Variants in MYOZ2 observed in about 807,000 individuals in gnomAD.
The protein encoded by MYOZ2 is myozenin-2.
A neutral mutation model predicts 25.4 loss-of-function variants in MYOZ2; 19 were observed. That is an observed-to-expected ratio of 0.75 (90% CI 0.52 to 1.10). MYOZ2 has a LOEUF of 1.10. Ranked by LOEUF, MYOZ2 falls within the 50% of genes least tolerant of loss-of-function variation. The pLI is 0.00. For missense variants in MYOZ2, 270 were observed against 317.9 expected, an observed-to-expected ratio of 0.85 and a Z score of 1.15; for synonymous variants, 92 against 106.9, an observed-to-expected ratio of 0.86 and a Z score of 0.86.
intron 5 of MYOZ2, among the ~76,000 whole-genome samples, chr4:119,176,818 C>A (rs555586493): frequency 2.0e-5 from 3 of 152,162 alleles, no homozygotes; most frequent in Non-Finnish European, 4.4e-5. Context: ...ATGTATCAGG[C>A]ACGGTTTTAA....
At chr4:119,142,519 G>C (rs1255530053) in intron 2 of MYOZ2, among the ~76,000 whole-genome samples, 1 of 152,178 alleles carries the variant, frequency 6.6e-6, no homozygotes, top group Non-Finnish European at 1.5e-5. Context: ...ATTCCCTGTA[G>C]AACTCAGCAA....
intron 3 of MYOZ2, among the ~76,000 whole-genome samples, chr4:119,152,195 T>TGAG (rs772736734): frequency 0.23 from 34,240 of 152,050 alleles, 4,591 homozygotes; most frequent in South Asian, 0.36. Flanking sequence ...ACTATAGTAT[T>TGAG]TATACTTGTG....
intron 5 of MYOZ2, among the ~76,000 whole-genome samples, chr4:119,175,236 AAAAC>A (rs1323058052): frequency 1.3e-5 from 2 of 152,194 alleles, no homozygotes; most frequent in African/African-American, 2.4e-5. Flanking sequence ...CGGTAGGAAA[AAAAC>A]AAAATAGAGC....
chr4:119,174,086 T>C (rs1397997483), intron 5 of MYOZ2, among the ~76,000 whole-genome samples: 2 of 152,112 alleles, frequency 1.3e-5, no homozygotes, highest in Non-Finnish European at 2.9e-5. Context: ...CATGGGCTCG[T>C]GGGCCGCCTG....
At chr4:119,161,898 C>T (rs1741717591) in intron 4 of MYOZ2, among the ~76,000 whole-genome samples, 1 of 151,956 alleles carries the variant, frequency 6.6e-6, no homozygotes, top group African/African-American at 2.4e-5. Flanking sequence ...AAACTAAATA[C>T]TTGTGTTAGG....
At chr4:119,175,143 C>A (rs543574841) in intron 5 of MYOZ2, among the ~76,000 whole-genome samples, 1 of 151,364 alleles carries the variant, frequency 6.6e-6, no homozygotes, top group African/African-American at 2.4e-5. Context: ...CCCACCAATT[C>A]CCGACACAGT....
chr4:119,187,490 A>G lies in MYOZ2; in HGVS notation c.*1290A>G, dbSNP rs963074868. ...TGTGTTTGTAGTGTGGAAGTTGGTG[A>G]CTGTTTTAATCATCATCTAGACTTG... On this transcript the variant is annotated 3_prime_UTR_variant, in exon 6 of 6. Transcript: ENST00000307128. 1 of 152,150 alleles carries G rather than the reference A, an allele frequency of 6.6e-6. No homozygotes were observed. Among genetic ancestry groups the G allele is most frequent in the African/African-American group, 2.4e-5 (1 of 41,446 alleles). 9.4% of individuals were successfully genotyped at this position (152,150 alleles called of 1,614,324 possible). A position where few individuals can be genotyped will look rare whatever the true frequency, so the allele number is the denominator to read the frequency against.
chr4:119,152,345 T>C (rs1330186784), intron 3 of MYOZ2, among the ~76,000 whole-genome samples: 1 of 152,126 alleles, frequency 6.6e-6, no homozygotes, highest in Non-Finnish European at 1.5e-5. Flanking sequence ...CTTTCAATAA[T>C]GACAATAGAG....
intron 5 of MYOZ2, among the ~76,000 whole-genome samples, chr4:119,184,789 G>A (rs760379783): frequency 3.3e-5 from 5 of 152,182 alleles, no homozygotes; most frequent in Non-Finnish European, 5.9e-5. Context: ...ACAAGTGGAA[G>A]AATGCTAAGG....
chr4:119,158,214 G>A, intron 4 of MYOZ2, 63 bp downstream of exon 4: 2 of 1,575,326 alleles, frequency 1.3e-6, no homozygotes, highest in South Asian at 1.1e-5. Flanking sequence ...ATGACTCAAG[G>A]CATTTAAAGC....
At chr4:119,136,635 G>A (rs1741031472) in intron 2 of MYOZ2, 34 bp downstream of exon 2, 4 of 1,579,486 alleles carry the variant, frequency 2.5e-6, no homozygotes, top group Non-Finnish European at 3.5e-6. Context: ...CATTAATATA[G>A]CACAGCATGA....
intron 2 of MYOZ2, among the ~76,000 whole-genome samples, chr4:119,136,851 A>G (rs375478296): frequency 2.0e-5 from 3 of 152,156 alleles, no homozygotes; most frequent in East Asian, 3.8e-4. Context: ...CAGCTGATGT[A>G]CATTCTGCTT....
rs1741030548 is a variant in MYOZ2 at position 119,136,603 on chromosome 4, T to C, written c.76+2T>C. 6.2e-7 allele frequency: 1 copy of C among 1,612,268 alleles called. No individual in the cohort carries two copies. Among genetic ancestry groups the C allele is most frequent in the Admixed American group, 1.7e-5 (1 of 59,942 alleles). On this transcript the variant is annotated splice_donor_variant, in intron 2 of 5. Transcript: ENST00000307128. LOFTEE classifies it high-confidence loss of function. ...TCATGAAGGAAGTCCATGGAAATGG[T>C]ATCAATAAAAATCCTTCGTAGCATT...
intron 5 of MYOZ2, among the ~76,000 whole-genome samples, chr4:119,174,610 A>G (rs185670295): frequency 1.3e-5 from 2 of 151,814 alleles, no homozygotes; most frequent in Admixed American, 6.6e-5. Context: ...GAACCTTTGT[A>G]TCTAGCTCAG....
At chr4:119,145,532 GTGTGTGTGTGTGTGTGTT>G (rs1421732303) in intron 2 of MYOZ2, among the ~76,000 whole-genome samples, 5 of 141,268 alleles carry the variant, frequency 3.5e-5, no homozygotes, top group African/African-American at 5.0e-5. Context: ...GTGTGTGTGT[GTGTGTGTGTGTGTGTGTT>G]TTTGGTAGAG....
intron 2 of MYOZ2, among the ~76,000 whole-genome samples, chr4:119,137,559 C>T (rs1741060560): frequency 6.6e-6 from 1 of 152,082 alleles, no homozygotes; most frequent in Admixed American, 6.6e-5. Flanking sequence ...TCATATTACA[C>T]CTTCCATAAA....
At chr4:119,177,771 C>A (rs1345414775) in intron 5 of MYOZ2, among the ~76,000 whole-genome samples, 1 of 152,168 alleles carries the variant, frequency 6.6e-6, no homozygotes, top group Non-Finnish European at 1.5e-5. Context: ...CTCATCCACT[C>A]TAGGGTTATC....
intron 5 of MYOZ2, among the ~76,000 whole-genome samples, chr4:119,171,176 T>C (rs1013092270): frequency 6.6e-6 from 1 of 152,052 alleles, no homozygotes; most frequent in African/African-American, 2.4e-5. Flanking sequence ...GGGGTAAGTA[T>C]AGGAAAAGAA....
chr4:119,137,840 T>C (rs1310960451), intron 2 of MYOZ2, among the ~76,000 whole-genome samples: 1 of 152,180 alleles, frequency 6.6e-6, no homozygotes, highest in African/African-American at 2.4e-5. Flanking sequence ...CAGATTCAAG[T>C]AGTTTACTTG....
Sources: gnomAD v4.1 joint callset for allele counts (sites outside exome capture counted in the v4.1 genomes callset) on GRCh38, gnomAD v4.1.1 for gene constraint, MANE v1.5 for transcripts, NCBI Gene and HGNC (gene_info 2026-07-23, HGNC 2026-07-21) for gene names.